Variants in HECTD4 observed in about 807,000 individuals in gnomAD.
HECTD4 encodes the protein HECT domain E3 ubiquitin protein ligase 4.
Under a neutral mutation model 471.5 loss-of-function variants are expected in HECTD4, and 114 were observed. The ratio of observed to expected loss-of-function variants is 0.24; its 90% CI spans 0.21 to 0.28. HECTD4 has a LOEUF of 0.28. HECTD4 is among the 10% of genes least tolerant of loss of function. HECTD4 has a pLI of 1.00. For missense variants in HECTD4, 3,866 were observed against 5,651.5 expected (o/e 0.68, Z 10.13); for synonymous variants, 2,012 against 2,256.0 (o/e 0.89, Z 3.07).
chr12:112,202,533 T>G (rs1428787810), intron 54 of HECTD4, among the ~76,000 whole-genome samples: 1 of 152,148 alleles, frequency 6.6e-6, no homozygotes. Flanking sequence ...CAAGGTAAAT[T>G]TCAAAGCATT....
At chr12:112,181,056 G>C (rs2031651568) in intron 62 of HECTD4, among the ~76,000 whole-genome samples, 1 of 151,824 alleles carries the variant, frequency 6.6e-6, no homozygotes, top group African/African-American at 2.4e-5. Flanking sequence ...ATTACCTGAG[G>C]TCAGGAGTTC....
chr12:112,290,863 C>A (rs11066239), intron 7 of HECTD4, among the ~76,000 whole-genome samples: 24,177 of 114,840 alleles, frequency 0.21, 4,534 homozygotes, highest in East Asian at 0.8. Flanking sequence ...AAAAACAAAA[C>A]AAAAAAAAAA....
chr12:112,183,021 CAA>C (rs1566063612), intron 62 of HECTD4, 36 bp downstream of exon 62: 3 of 1,506,008 alleles, frequency 2.0e-6, no homozygotes, highest in South Asian at 2.3e-5. Context: ...AATTGCTCCA[CAA>C]AAAGTCTACA....
intron 7 of HECTD4, among the ~76,000 whole-genome samples, chr12:112,295,810 A>AAT (rs1555256046): frequency 2.1e-4 from 30 of 141,894 alleles, no homozygotes; most frequent in East Asian, 1.2e-3. Flanking sequence ...TTAAAAAAAA[A>AAT]ATATATATAT....
At position 112,348,959 on chromosome 12, in the gene HECTD4, A is replaced by G. The variant is rs557194170; in HGVS notation, c.178-29217T>C. Among the ~76,000 whole-genome samples the G allele has an allele frequency of 9.3e-4, 142 of 152,312 alleles. 1 individual carries two copies. The highest frequency in any genetic ancestry group is 3.3e-3 in the African/African-American group (136 of 41,562). On this transcript the variant is annotated intron_variant, in intron 1 of 75. Coordinates refer to ENST00000682272, the MANE Select transcript of HECTD4 (RefSeq NM_001388303.1). ...CTTTTTTTGTTATCTTTATTTTCCA[A>G]GTTGTTTACAATAAACACAAATTGC...
intron 1 of HECTD4, among the ~76,000 whole-genome samples, chr12:112,360,979 C>T (rs2036437818): frequency 1.4e-5 from 2 of 146,250 alleles, no homozygotes; most frequent in South Asian, 4.3e-4. Flanking sequence ...AGAGAAACTC[C>T]GTCTCAAAAA....
chr12:112,330,191 C>A (rs1457781371), intron 1 of HECTD4, among the ~76,000 whole-genome samples: 1 of 151,734 alleles, frequency 6.6e-6, no homozygotes, highest in Non-Finnish European at 1.5e-5. Flanking sequence ...GCAGGAGAAT[C>A]CCTTGAACCT....
chr12:112,354,568 C>A (rs1219097013), intron 1 of HECTD4, among the ~76,000 whole-genome samples: 2 of 152,056 alleles, frequency 1.3e-5, no homozygotes, highest in African/African-American at 4.8e-5. Context: ...CACCTGTAGT[C>A]CCAGCTGCTT....
In HECTD4 at chr12:112,162,659, A is replaced by T; in HGVS notation, c.13121-136T>A. The T allele has an allele frequency of 9.8e-7, 1 of 1,020,112 alleles. No individual in the cohort carries two copies. Among genetic ancestry groups the T allele is most frequent in the Non-Finnish European group, 1.4e-6 (1 of 695,998 alleles). 63.2% of individuals were successfully genotyped at this position (1,020,112 alleles called of 1,614,324 possible). Reference sequence around the variant, plus strand: ...AATCCTGGGGCCCAGCAGGAGGGGGATGAGGGCCTGGGAACCTGCGAGATG... The same window carrying T: ...AATCCTGGGGCCCAGCAGGAGGGGGTTGAGGGCCTGGGAACCTGCGAGATG... On this transcript the variant is annotated intron_variant, in intron 75 of 75. Transcript: ENST00000682272. The surrounding 1 kb of genome is among the most constrained non-coding windows in gnomAD (Gnocchi z 5.2).
intron 37 of HECTD4, 108 bp from the exon 38 acceptor site, chr12:112,233,193 A>G: frequency 5.2e-6 from 3 of 575,036 alleles, no homozygotes; most frequent in Admixed American, 6.0e-5. Flanking sequence ...ATACACTAAC[A>G]TTAGCTTACA....
At chr12:112,338,744 T>C (rs772364261) in intron 1 of HECTD4, among the ~76,000 whole-genome samples, 62 of 152,176 alleles carry the variant, frequency 4.1e-4, no homozygotes, top group Non-Finnish European at 7.6e-4. Flanking sequence ...AGCATCTGCT[T>C]GGCTTCTGGG....
chr12:112,190,396 C>A (rs2032038186), intron 60 of HECTD4, among the ~76,000 whole-genome samples: 1 of 152,156 alleles, frequency 6.6e-6, no homozygotes, highest in Non-Finnish European at 1.5e-5. Context: ...ATGAGTTTTG[C>A]AACCTTTTTG....
Position 112,228,636 on chromosome 12 carries a change from A to T in HECTD4, c.6684+11T>A. The stretch of plus-strand genomic sequence containing the variant: ...GCAGACATTTTACAAAGCATTTAAA[A>T]ATCACCTTACCTCTGATCTTGGAAC... On this transcript the variant is annotated intron_variant, in intron 42 of 75. Transcript: ENST00000682272. This position sits in a 1 kb window ranked among gnomAD's most constrained non-coding sequence, Gnocchi z 4.9. 6.3e-7 allele frequency: 1 copy of T among 1,596,364 alleles called. No homozygotes were observed. Among genetic ancestry groups the T allele is most frequent in the Non-Finnish European group, 8.5e-7 (1 of 1,173,552 alleles).
Position 112,162,449 on chromosome 12 carries a change from C to G in HECTD4, c.13195G>C (p.Glu4399Gln). 1 of 1,614,052 alleles carries G rather than the reference C, an allele frequency of 6.2e-7. No individual in the cohort carries two copies. Among genetic ancestry groups the G allele is most frequent in the Non-Finnish European group, 8.5e-7 (1 of 1,179,894 alleles). ...MIKLPQYSSL[E>Q]IMLEKLRCAI... Reference sequence around the variant, plus strand: ...CAACGAAGTTTCTCCAGCATGATTTCCAGAGAGGAGTACTGGGGAAGCTTG... The same window carrying G: ...CAACGAAGTTTCTCCAGCATGATTTGCAGAGAGGAGTACTGGGGAAGCTTG... Residue 4399 changes from glutamate to glutamine, a missense_variant, in exon 76 of 76, where the codon GAA becomes CAA. Glu to Gln is a conservative substitution (Grantham distance 29). Around this residue, in one of 16 missense-constraint regions of HECTD4, gnomAD observed 715 missense variants for 1,087.6 expected, o/e 0.66. Coordinates refer to ENST00000682272, the MANE Select transcript of HECTD4 (RefSeq NM_001388303.1). The surrounding 1 kb of genome is among the most constrained non-coding windows in gnomAD (Gnocchi z 5.2).
At chr12:112,316,412 G>T (rs1363057429) in intron 2 of HECTD4, among the ~76,000 whole-genome samples, 3 of 152,024 alleles carry the variant, frequency 2.0e-5, no homozygotes, top group African/African-American at 7.3e-5. Flanking sequence ...ACAATGATCT[G>T]TTACCTATAT....
intron 1 of HECTD4, among the ~76,000 whole-genome samples, chr12:112,333,371 T>C (rs1366537597): frequency 6.6e-6 from 1 of 152,264 alleles, no homozygotes; most frequent in Non-Finnish European, 1.5e-5. Flanking sequence ...TGTTATTATG[T>C]ATTTCTGATT....
At position 112,184,657 on chromosome 12, in the gene HECTD4, G is replaced by A; in HGVS notation, c.10309C>T (p.Gln3437Ter). Residue 3437 changes from glutamine (Q) to a stop codon, truncating the protein, a stop_gained, in exon 61 of 76, where the codon CAG becomes TAG. Coordinates refer to ENST00000682272, the MANE Select transcript of HECTD4 (RefSeq NM_001388303.1). LOFTEE classifies it high-confidence loss of function. The surrounding 1 kb of genome is among the most constrained non-coding windows in gnomAD (Gnocchi z 9.1). Reference protein sequence around the residue: ...VFKDEIYIPLQEEDTKKPKDK... With the variant: ...VFKDEIYIPL ...TTTGGCTTCTTGGTGTCTTCTTCCT[G>A]CAGCGGGATGTAGATCTCGTCTTTG... is the stretch of plus-strand genomic sequence containing the variant. 1.2e-6 allele frequency: 2 copies of A among 1,613,824 alleles called. No homozygotes were observed. The highest frequency in any genetic ancestry group is 1.7e-6 in the Non-Finnish European group (2 of 1,179,858).
chr12:112,327,371 T>C (rs1778039943), intron 1 of HECTD4, among the ~76,000 whole-genome samples: 1 of 151,896 alleles, frequency 6.6e-6, no homozygotes, highest in African/African-American at 2.4e-5. Flanking sequence ...CAAAATGAAA[T>C]ATTAATGATT....
intron 48 of HECTD4, among the ~76,000 whole-genome samples, chr12:112,215,637 T>TTC (rs760014026): frequency 3.2e-4 from 48 of 151,840 alleles, no homozygotes; most frequent in Non-Finnish European, 5.7e-4. Context: ...AATAAGGCAT[T>TTC]TCTCTCTCTC....
Sources: gnomAD v4.1 joint callset for allele counts (sites outside exome capture counted in the v4.1 genomes callset) on GRCh38, gnomAD v4.1.1 for gene constraint, gnomAD v4.1.1 regional missense constraint, Gnocchi (gnomAD v3.1) non-coding constraint, MANE v1.5 for transcripts, NCBI Gene and HGNC (gene_info 2026-07-23, HGNC 2026-07-21) for gene names.